EPHA6: variants seen among roughly 807,000 people sequenced by gnomAD.
EPHA6 encodes the protein ephrin type-A receptor 6.
Under a neutral mutation model 112.0 loss-of-function variants are expected in EPHA6, and 50 were observed. That is an observed-to-expected ratio of 0.45 (90% CI 0.36 to 0.56). EPHA6 has a LOEUF of 0.56. Ranked by LOEUF, EPHA6 falls within the 20% of genes least tolerant of loss-of-function variation. EPHA6 has a pLI of 0.00. For synonymous variants in EPHA6, 529 were observed against 490.7 expected, an observed-to-expected ratio of 1.08 and a Z score of -1.03; for missense variants, 1,280 against 1,417.4, an observed-to-expected ratio of 0.90 and a Z score of 1.56.
rs2090396150 is a variant in EPHA6 at position 97,447,728 on chromosome 3, A to G, written c.1732-840A>G. On this transcript the variant is annotated intron_variant, in intron 6 of 17. Transcript: ENST00000389672. ...ACCCTGACTGTCTAGATCATCCAGA[A>G]TGCCCTGGCAAGTTCACTTCCATTT... The G allele has an allele frequency of 8.9e-6, 9 of 1,011,150 alleles. No homozygotes were observed. In the South Asian group the frequency reaches 4.2e-4, roughly 47 times the overall value. 62.6% of individuals were successfully genotyped at this position (1,011,150 alleles called of 1,614,324 possible).
At chr3:97,141,095 G>A (rs891564562) in intron 3 of EPHA6, among the ~76,000 whole-genome samples, 2 of 152,112 alleles carry the variant, frequency 1.3e-5, no homozygotes, top group African/African-American at 2.4e-5. Context: ...GAGAATGATG[G>A]TTATTAAATA....
intron 11 of EPHA6, among the ~76,000 whole-genome samples, chr3:97,574,751 T>C (rs1243618435): frequency 6.6e-6 from 1 of 152,020 alleles, no homozygotes; most frequent in Non-Finnish European, 1.5e-5. Context: ...ACAAATATAA[T>C]GATTAATGAA....
intron 3 of EPHA6, among the ~76,000 whole-genome samples, chr3:97,104,612 T>C (rs976965417): frequency 6.6e-6 from 1 of 152,118 alleles, no homozygotes; most frequent in Non-Finnish European, 1.5e-5. Flanking sequence ...CTTTCTTTTT[T>C]CATCATGTCT....
chr3:97,757,403 G>A lies in EPHA6; in HGVS notation c.*8702G>A, dbSNP rs1381965220. Among the ~76,000 whole-genome samples, 3 of 151,532 alleles carry A rather than the reference G, an allele frequency of 2.0e-5. No homozygotes were observed. Among genetic ancestry groups the A allele is most frequent in the Non-Finnish European group, 3.0e-5 (2 of 67,648 alleles). On this transcript the variant is annotated 3_prime_UTR_variant, in exon 18 of 18. Coordinates refer to ENST00000389672, the MANE Select transcript of EPHA6 (RefSeq NM_001080448.3). ...TTCATTTTAAAAATGTTTTGTAATG[G>A]AACAAGTCATCAAAATTCTTAACAT...
At chr3:96,829,849 T>G (rs183126679) in intron 1 of EPHA6, among the ~76,000 whole-genome samples, 1 of 152,158 alleles carries the variant, frequency 6.6e-6, no homozygotes, top group East Asian at 1.9e-4. Context: ...CAAAATAGCT[T>G]ACCTAGCTAT....
chr3:97,316,535 G>A (rs2081848868), intron 5 of EPHA6, among the ~76,000 whole-genome samples: 1 of 151,880 alleles, frequency 6.6e-6, no homozygotes, highest in Admixed American at 6.6e-5. Context: ...TAAGAGCATA[G>A]TGTTATAATC....
At chr3:96,951,791 C>T (rs973665437) in intron 2 of EPHA6, among the ~76,000 whole-genome samples, 1 of 152,058 alleles carries the variant, frequency 6.6e-6, no homozygotes, top group Non-Finnish European at 1.5e-5. Flanking sequence ...ATTTATAAAA[C>T]CAGAGGACAA....
intron 3 of EPHA6, among the ~76,000 whole-genome samples, chr3:97,190,667 G>T (rs1479163868): frequency 6.6e-6 from 1 of 151,852 alleles, no homozygotes; most frequent in Non-Finnish European, 1.5e-5. Context: ...ATAGATTGTG[G>T]AATGACTGAA....
intron 3 of EPHA6, among the ~76,000 whole-genome samples, chr3:97,077,934 G>T (rs961299002): frequency 6.6e-6 from 1 of 152,186 alleles, no homozygotes; most frequent in African/African-American, 2.4e-5. Flanking sequence ...GGGCCAAATG[G>T]TATTTCTACC....
At chr3:97,481,177 C>A (rs140024817) in intron 9 of EPHA6, 6 of 972,892 alleles carry the variant, frequency 6.2e-6, no homozygotes, top group Non-Finnish European at 9.8e-6. Flanking sequence ...GCACTCCAGC[C>A]GAACAATTTC....
chr3:97,089,514 C>T (rs529311904), intron 3 of EPHA6, among the ~76,000 whole-genome samples: 1 of 152,182 alleles, frequency 6.6e-6, no homozygotes, highest in African/African-American at 2.4e-5. Context: ...TATCTTTCCC[C>T]TTGATGTTGC....
chr3:97,488,749 G>C (rs1207209824), intron 10 of EPHA6, among the ~76,000 whole-genome samples: 1 of 151,902 alleles, frequency 6.6e-6, no homozygotes. Flanking sequence ...ATTCATTCTT[G>C]TCCATCAACT....
chr3:96,964,477 A>C (rs1220882740), intron 2 of EPHA6, among the ~76,000 whole-genome samples: 1 of 151,996 alleles, frequency 6.6e-6, no homozygotes, highest in Admixed American at 6.6e-5. Context: ...TTGTTTTGTG[A>C]CTGTGTTGTT....
Position 97,398,926 on chromosome 3 carries a change from C to T in EPHA6, c.1607-6224C>T, listed in dbSNP as rs149106653. 3.4e-3 allele frequency among the ~76,000 whole-genome samples: 517 copies of T among 151,510 alleles called. 3 individuals are homozygous for T. Among genetic ancestry groups the T allele is most frequent in the African/African-American group, 0.012 (486 of 41,458 alleles). ...ATGAAATCAAGGTAATTAACATATA[C>T]ATCCCCTCAAACATTTATTTTTTGT... On this transcript the variant is annotated intron_variant, in intron 5 of 17. Coordinates refer to ENST00000389672, the MANE Select transcript of EPHA6 (RefSeq NM_001080448.3).
At chr3:97,618,151 A>C (rs552351675) in intron 13 of EPHA6, among the ~76,000 whole-genome samples, 2 of 152,306 alleles carry the variant, frequency 1.3e-5, no homozygotes, top group Admixed American at 1.3e-4. Context: ...TTACATGGAA[A>C]TTGTATAACC....
At chr3:96,981,393 AT>A (rs1486793556) in intron 2 of EPHA6, among the ~76,000 whole-genome samples, 1 of 152,084 alleles carries the variant, frequency 6.6e-6, no homozygotes, top group Non-Finnish European at 1.5e-5. Context: ...CATCCCAGGG[AT>A]GAAGCCCACT....
intron 3 of EPHA6, among the ~76,000 whole-genome samples, chr3:97,029,068 AAAGTT>A (rs1559679960): frequency 6.6e-6 from 1 of 151,644 alleles, no homozygotes; most frequent in Non-Finnish European, 1.5e-5. Context: ...AATTGGAATT[AAAGTT>A]AACAGTTCTT....
intron 2 of EPHA6, among the ~76,000 whole-genome samples, chr3:96,978,556 A>G (rs1352205518): frequency 6.6e-6 from 1 of 152,174 alleles, no homozygotes; most frequent in Non-Finnish European, 1.5e-5. Context: ...GTATATCAAT[A>G]TATATTACTT....
chr3:97,179,761 C>CTCTCTCTT (rs1214540454), intron 3 of EPHA6, among the ~76,000 whole-genome samples: 111 of 142,758 alleles, frequency 7.8e-4, no homozygotes, highest in East Asian at 3.5e-3. Context: ...CTCTCTCTCT[C>CTCTCTCTT]CTGAACCACT....
Sources: gnomAD v4.1 joint callset for allele counts (sites outside exome capture counted in the v4.1 genomes callset) on GRCh38, gnomAD v4.1.1 for gene constraint, MANE v1.5 for transcripts, NCBI Gene and HGNC (gene_info 2026-07-23, HGNC 2026-07-21) for gene names.